The following FHIT variants were observed in gnomAD, a reference collection of about 807,000 sequenced individuals.
FHIT encodes bis(5'-adenosyl)-triphosphatase.
Under a neutral mutation model 17.9 loss-of-function variants are expected in FHIT, and 19 were observed. That is an observed-to-expected ratio of 1.06 (90% CI 0.74 to 1.56). The LOEUF (loss-of-function observed/expected upper bound fraction) is 1.56, where lower values mean the gene tolerates loss of function less well. Ranked by LOEUF, FHIT falls within the 40% of genes most tolerant of loss-of-function variation. FHIT has a pLI of 0.00. For missense variants in FHIT, 248 were observed against 189.2 expected (o/e 1.31, Z -1.82); for synonymous variants, 81 against 69.7 (o/e 1.16, Z -0.81).
chr3:59,762,694 T>G (rs1426302914), intron 8 of FHIT, among the ~76,000 whole-genome samples: 1 of 152,152 alleles, frequency 6.6e-6, no homozygotes, highest in Non-Finnish European at 1.5e-5. Context: ...CAAATAGGGA[T>G]CAACCTCTAA....
intron 5 of FHIT, among the ~76,000 whole-genome samples, chr3:60,370,897 A>C (rs546211280): frequency 5.8e-4 from 89 of 152,338 alleles, no homozygotes; most frequent in Middle Eastern, 3.4e-3. Flanking sequence ...ATCTCTAGAA[A>C]AAAGTTCACA....
chr3:61,074,497 T>C (rs995477544), intron 2 of FHIT, among the ~76,000 whole-genome samples: 2 of 152,174 alleles, frequency 1.3e-5, no homozygotes. Context: ...TTTAAAATTA[T>C]TTTCAACATT....
intron 4 of FHIT, among the ~76,000 whole-genome samples, chr3:60,567,347 A>G (rs571223587): frequency 0.073 from 11,115 of 151,484 alleles, 521 homozygotes; most frequent in South Asian, 0.11. Flanking sequence ...CTGACAAAAG[A>G]AACGGGGAAA....
chr3:60,419,476 T>G (rs187241241), intron 5 of FHIT, among the ~76,000 whole-genome samples: 1 of 152,282 alleles, frequency 6.6e-6, no homozygotes, highest in Non-Finnish European at 1.5e-5. Flanking sequence ...ATAAAATAAT[T>G]GTTTTTTACA....
intron 7 of FHIT, among the ~76,000 whole-genome samples, chr3:59,976,375 C>G (rs914697089): frequency 1.3e-5 from 2 of 151,992 alleles, no homozygotes; most frequent in Admixed American, 1.3e-4. Context: ...TTGGGCAAAT[C>G]AGCATACTTT....
At chr3:60,833,569 A>G (rs1252934484) in intron 3 of FHIT, among the ~76,000 whole-genome samples, 5 of 151,980 alleles carry the variant, frequency 3.3e-5, no homozygotes, top group African/African-American at 1.2e-4. Context: ...CCCCTTTTTT[A>G]ACTAACATTT....
chr3:61,032,127 G>A (rs1313185750), intron 3 of FHIT, among the ~76,000 whole-genome samples: 1 of 152,178 alleles, frequency 6.6e-6, no homozygotes, highest in African/African-American at 2.4e-5. Flanking sequence ...GTTCATTCGT[G>A]TATTCCTTCA....
At chr3:60,231,388 C>T (rs1402120501) in intron 5 of FHIT, among the ~76,000 whole-genome samples, 2 of 152,112 alleles carry the variant, frequency 1.3e-5, no homozygotes, top group Non-Finnish European at 2.9e-5. Flanking sequence ...TAACCAACGC[C>T]CAGATCCAGA....
At chr3:60,582,421 A>G (rs1472998369) in intron 4 of FHIT, among the ~76,000 whole-genome samples, 1 of 152,110 alleles carries the variant, frequency 6.6e-6, no homozygotes, top group Non-Finnish European at 1.5e-5. Context: ...AAAATTTTAT[A>G]AAACATTTGT....
At position 60,244,404 on chromosome 3, in the gene FHIT, G is replaced by A. The variant is rs558223842; in HGVS notation, c.104-230252C>T. Among the ~76,000 whole-genome samples, 245 of 152,134 alleles carry A rather than the reference G, an allele frequency of 1.6e-3. 2 individuals carry two copies. Among genetic ancestry groups the A allele is most frequent in the Middle Eastern group, 0.014 (4 of 294 alleles). The stretch of plus-strand genomic sequence containing the variant: ...CCAGGATCTATAATTTCTCAGAGCT[G>A]TAGTAAATTAGTCACTTAAACTTAT... On this transcript the variant is annotated intron_variant, in intron 5 of 9. Transcript: ENST00000492590.
chr3:60,745,536 C>T (rs1333513784), intron 4 of FHIT, among the ~76,000 whole-genome samples: 9 of 152,068 alleles, frequency 5.9e-5, no homozygotes, highest in African/African-American at 1.9e-4. Flanking sequence ...ATCAGATTTA[C>T]GCTTTGAAAA....
intron 4 of FHIT, among the ~76,000 whole-genome samples, chr3:60,778,108 G>C (rs1367457321): frequency 1.3e-5 from 2 of 152,160 alleles, no homozygotes; most frequent in Admixed American, 1.3e-4. Context: ...TTAGGTTATA[G>C]CTGGGTGAAT....
intron 2 of FHIT, among the ~76,000 whole-genome samples, chr3:61,187,147 T>C (rs1206709817): frequency 6.6e-6 from 1 of 152,178 alleles, no homozygotes; most frequent in African/African-American, 2.4e-5. Context: ...TGAGTGCATA[T>C]TCATTCACTC....
chr3:60,732,321 T>A (rs2042046870), intron 4 of FHIT: 1 of 941,492 alleles, frequency 1.1e-6, no homozygotes, highest in Non-Finnish European at 1.7e-6. Flanking sequence ...ACCATTTGTG[T>A]TGGGTCCAGC....
intron 5 of FHIT, among the ~76,000 whole-genome samples, chr3:60,457,077 C>G (rs565631438): frequency 6.6e-6 from 1 of 152,238 alleles, no homozygotes; most frequent in East Asian, 1.9e-4. Flanking sequence ...TTGGAAAAAA[C>G]TACTTTAAAG....
At chr3:60,849,080 A>T (rs890363491) in intron 3 of FHIT, among the ~76,000 whole-genome samples, 2 of 152,138 alleles carry the variant, frequency 1.3e-5, no homozygotes, top group East Asian at 1.9e-4. Flanking sequence ...ATTTTTATCA[A>T]TAGTTGCAAA....
intron 5 of FHIT, among the ~76,000 whole-genome samples, chr3:60,349,848 A>C (rs1440401181): frequency 6.6e-6 from 1 of 152,154 alleles, no homozygotes; most frequent in Non-Finnish European, 1.5e-5. Context: ...ATTTATAACT[A>C]ACATCACATA....
intron 3 of FHIT, among the ~76,000 whole-genome samples, chr3:61,002,175 G>A (rs1575821165): frequency 1.3e-5 from 2 of 152,306 alleles, no homozygotes. Flanking sequence ...TTTAAAATAT[G>A]TGATACATTT....
At chr3:60,497,398 A>T (rs1372466727) in intron 5 of FHIT, among the ~76,000 whole-genome samples, 1 of 152,238 alleles carries the variant, frequency 6.6e-6, no homozygotes, top group African/African-American at 2.4e-5. Flanking sequence ...GTACATTCTT[A>T]TATTTGAAAT....
Sources: gnomAD v4.1 joint callset for allele counts (sites outside exome capture counted in the v4.1 genomes callset) on GRCh38, gnomAD v4.1.1 for gene constraint, MANE v1.5 for transcripts, NCBI Gene and HGNC (gene_info 2026-07-23, HGNC 2026-07-21) for gene names.